PITPNM2: variants seen among roughly 807,000 people sequenced by gnomAD.
The protein encoded by PITPNM2 is phosphatidylinositol transfer protein membrane associated 2.
Under a neutral mutation model 132.2 loss-of-function variants are expected in PITPNM2, and 35 were observed. The ratio of observed to expected loss-of-function variants is 0.26; its 90% CI spans 0.20 to 0.35. PITPNM2 has a LOEUF of 0.35. Among genes scored for constraint, PITPNM2 ranks in the 10% least tolerant of loss-of-function variants. PITPNM2 has a pLI of 1.00. For synonymous variants in PITPNM2, 738 were observed against 799.2 expected (o/e 0.92, Z 1.29); for missense variants, 1,332 against 1,912.0 (o/e 0.70, Z 5.66).
chr12:123,061,051 T>C (rs1051581166), intron 2 of PITPNM2, among the ~76,000 whole-genome samples: 1 of 152,012 alleles, frequency 6.6e-6, no homozygotes, highest in Non-Finnish European at 1.5e-5. Flanking sequence ...CACTGATCCA[T>C]CCACCCATGC....
chr12:123,047,545 G>C (rs1447997203), intron 2 of PITPNM2, among the ~76,000 whole-genome samples: 1 of 152,130 alleles, frequency 6.6e-6, no homozygotes, highest in East Asian at 1.9e-4. Flanking sequence ...GGCAAATAAA[G>C]TCTTTAATAT....
rs1289145033 is a variant in PITPNM2 at position 123,111,942 on chromosome 12, G to C, written c.-199-1454C>G. ...GAGGAAAGCTGTTGAGAGGGTTGAGGGTTTGCCATGGTAACGCACCCATCA... is the reference window on the plus strand; with the variant it reads ...GAGGAAAGCTGTTGAGAGGGTTGAGCGTTTGCCATGGTAACGCACCCATCA... On this transcript the variant is annotated intron_variant, in intron 1 of 25. Coordinates refer to ENST00000320201, the MANE Select transcript of PITPNM2 (RefSeq NM_020845.3). The surrounding 1 kb of genome is among the most constrained non-coding windows in gnomAD (Gnocchi z 4.1). Among the ~76,000 whole-genome samples the C allele has an allele frequency of 1.3e-5, 2 of 152,112 alleles. No individual in the cohort carries two copies. The highest frequency in any genetic ancestry group is 1.3e-4 in the Admixed American group (2 of 15,264).
At chr12:123,139,527 T>G (rs1389512528) in intron 1 of PITPNM2, among the ~76,000 whole-genome samples, 1 of 150,288 alleles carries the variant, frequency 6.7e-6, no homozygotes, top group South Asian at 2.1e-4. Context: ...AACAGACAAC[T>G]GCACATCTCT....
intron 3 of PITPNM2, 119 bp from the exon 4 acceptor site, chr12:123,014,161 C>T (rs2039327669): frequency 9.7e-7 from 1 of 1,029,054 alleles, no homozygotes; most frequent in African/African-American, 1.6e-5. Flanking sequence ...GTCAACGAGG[C>T]TGGCTCCTCC....
rs1409073354 is a variant in PITPNM2, at chr12:123,009,531, C to T, written c.643+319G>A. On this transcript the variant is annotated intron_variant, in intron 6 of 25. Transcript: ENST00000320201. This position sits in a 1 kb window ranked among gnomAD's most constrained non-coding sequence, Gnocchi z 4.8. ...ACCTGTCCCCAGGGGCTACTCAGAC[C>T]TGTGGAGTGTGGGCTACTCTTTATC... Among the ~76,000 whole-genome samples, 4 of 152,196 alleles carry T rather than the reference C, an allele frequency of 2.6e-5. No homozygotes were observed.
chr12:123,109,215 G>C (rs1248077622), intron 2 of PITPNM2, among the ~76,000 whole-genome samples: 1 of 152,192 alleles, frequency 6.6e-6, no homozygotes, highest in African/African-American at 2.4e-5. Context: ...ACTAGCCAAT[G>C]AGTGAACAGG....
chr12:123,072,647 A>C (rs1296804748), intron 2 of PITPNM2, among the ~76,000 whole-genome samples: 2 of 152,228 alleles, frequency 1.3e-5, no homozygotes, highest in African/African-American at 4.8e-5. Context: ...CCAGACTCTC[A>C]GACTCCAGGC....
chr12:123,001,689 C>T (rs890835609), intron 8 of PITPNM2, among the ~76,000 whole-genome samples: 9 of 152,264 alleles, frequency 5.9e-5, no homozygotes, highest in South Asian at 2.1e-4. Flanking sequence ...TGGACACACC[C>T]GTTTTGTTTG....
Position 123,106,309 on chromosome 12 carries a change from G to A in PITPNM2, c.-96+4076C>T, listed in dbSNP as rs767450138. On this transcript the variant is annotated intron_variant, in intron 2 of 25. Transcript: ENST00000320201. The surrounding 1 kb of genome is among the most constrained non-coding windows in gnomAD (Gnocchi z 4.4). ...AGGCTGAGGTGGGAGGACTGCTTAA[G>A]CCCAGGAATTCAAGGCTGCAGTGAG... 1.1e-4 allele frequency among the ~76,000 whole-genome samples: 16 copies of A among 152,058 alleles called. No individual in the cohort carries two copies. The highest frequency in any genetic ancestry group is 2.0e-4 in the Admixed American group (3 of 15,264).
chr12:123,045,352 A>T (rs1046738739), intron 2 of PITPNM2, among the ~76,000 whole-genome samples: 14 of 151,974 alleles, frequency 9.2e-5, no homozygotes, highest in Admixed American at 7.2e-4. Flanking sequence ...TTTCCAACCC[A>T]CTTTGACCAC....
Position 123,004,848 on chromosome 12 carries a change from G to C in PITPNM2, c.953-359C>G, listed in dbSNP as rs192235159. On this transcript the variant is annotated intron_variant, in intron 7 of 25. Transcript: ENST00000320201. This position sits in a 1 kb window ranked among gnomAD's most constrained non-coding sequence, Gnocchi z 4.9. ...AATTTGGCCACAGCAGGGCCCAGGC[G>C]GGAGATGAGTGAGCCAGGCCTGCCT... 1.5e-3 allele frequency among the ~76,000 whole-genome samples: 229 copies of C among 151,914 alleles called. 1 individual carries two copies. The highest frequency in any genetic ancestry group is 5.1e-3 in the African/African-American group (210 of 41,404).
intron 3 of PITPNM2, among the ~76,000 whole-genome samples, chr12:123,019,879 G>A (rs749551903): frequency 4.6e-5 from 7 of 152,120 alleles, no homozygotes; most frequent in Non-Finnish European, 8.8e-5. Context: ...GTCAGGGAAA[G>A]TGACCTGCAG....
At chr12:123,011,245 C>CCAGGCTG (rs1225948617) in intron 5 of PITPNM2, among the ~76,000 whole-genome samples, 1 of 152,226 alleles carries the variant, frequency 6.6e-6, no homozygotes, top group Non-Finnish European at 1.5e-5. Flanking sequence ...CCCTCTGTAT[C>CCAGGCTG]CAGGCTGCAG....
At chr12:123,141,126 C>T (rs2043497302) in intron 1 of PITPNM2, among the ~76,000 whole-genome samples, 1 of 152,050 alleles carries the variant, frequency 6.6e-6, no homozygotes. Flanking sequence ...GTCTAGAGTC[C>T]AGCCAGCAGT....
chr12:123,049,403 CCT>C lies in PITPNM2; in HGVS notation c.-95-14720_-95-14719del, dbSNP rs747702021. Among the ~76,000 whole-genome samples the C allele has an allele frequency of 8.6e-4, 131 of 152,310 alleles. 1 individual carries two copies. Among genetic ancestry groups the C allele is most frequent in the Non-Finnish European group, 1.4e-3 (95 of 68,018 alleles). On this transcript the variant is annotated intron_variant, in intron 2 of 25. Coordinates refer to ENST00000320201, the MANE Select transcript of PITPNM2 (RefSeq NM_020845.3). ...TCCAGGTCTGTGAGATCCCGTGTGC[CCT>C]GTCTGCCTGCTCGTGAGCCATAGCT...
At chr12:123,136,891 T>G (rs1458651529) in intron 1 of PITPNM2, among the ~76,000 whole-genome samples, 1 of 152,048 alleles carries the variant, frequency 6.6e-6, no homozygotes, top group Non-Finnish European at 1.5e-5. Context: ...AGACTCCGTC[T>G]CAAAAAAAAT....
In PITPNM2 at chr12:123,076,538, G is replaced by A. The variant is rs187535631; in HGVS notation, c.-96+33847C>T. 1.9e-4 allele frequency among the ~76,000 whole-genome samples: 29 copies of A among 152,274 alleles called. No homozygotes were observed. The Middle Eastern group carries it at 0.02, about 107-fold the overall frequency. On this transcript the variant is annotated intron_variant, in intron 2 of 25. Coordinates refer to ENST00000320201, the MANE Select transcript of PITPNM2 (RefSeq NM_020845.3). ...TGAAACAAAAAACAGAATCCAATCA[G>A]GTGCTCATGAGGCTGAAGTCCTATA...
At chr12:123,073,375 C>G (rs2041673115) in intron 2 of PITPNM2, among the ~76,000 whole-genome samples, 1 of 152,314 alleles carries the variant, frequency 6.6e-6, no homozygotes, top group African/African-American at 2.4e-5. Context: ...CATAAACACT[C>G]CTGACCCATT....
intron 10 of PITPNM2, among the ~76,000 whole-genome samples, chr12:122,998,928 C>A (rs2038540688): frequency 6.6e-6 from 1 of 152,116 alleles, no homozygotes. Flanking sequence ...GCCTGGCCAA[C>A]ATAGCAAAAC....
Sources: allele counts gnomAD v4.1 joint callset (sites outside exome capture counted in the v4.1 genomes callset), GRCh38; gene constraint gnomAD v4.1.1; non-coding constraint Gnocchi (gnomAD v3.1); transcripts MANE v1.5; gene names NCBI Gene and HGNC (gene_info 2026-07-23, HGNC 2026-07-21).